Variants in IRAG2 observed in about 807,000 individuals in gnomAD.
IRAG2 encodes lymphoid restricted membrane protein.
Under a neutral mutation model 69.9 loss-of-function variants are expected in IRAG2, and 45 were observed. The ratio of observed to expected loss-of-function variants is 0.64; its 90% CI spans 0.51 to 0.83. The LOEUF is 0.83. Among genes scored for constraint, IRAG2 ranks in the 40% least tolerant of loss-of-function variants. The probability of loss-of-function intolerance (pLI) is 0.00; values close to 1 mark genes in which losing one functional copy is unlikely to be tolerated. For missense variants in IRAG2, 520 were observed against 587.0 expected, an observed-to-expected ratio of 0.89 and a Z score of 1.18; for synonymous variants, 193 against 202.4, an observed-to-expected ratio of 0.95 and a Z score of 0.40.
At chr12:25,011,685 T>C (rs1043144241) in intron 3 of IRAG2, 18 of 581,566 alleles carry the variant, frequency 3.1e-5, no homozygotes, top group African/African-American at 2.1e-4. Flanking sequence ...ATCACCTGAA[T>C]GATGTTAAAC....
At chr12:25,078,061 T>C (rs1283277916) in intron 6 of IRAG2, among the ~76,000 whole-genome samples, 1 of 152,202 alleles carries the variant, frequency 6.6e-6, no homozygotes, top group African/African-American at 2.4e-5. Context: ...TAGTTCGATA[T>C]GTGTTTGAAA....
chr12:25,068,226 C>T (rs1439292410), intron 5 of IRAG2, among the ~76,000 whole-genome samples: 4 of 152,118 alleles, frequency 2.6e-5, no homozygotes, highest in South Asian at 2.1e-4. Flanking sequence ...CCATCTCAGC[C>T]GCCCAACATG....
chr12:25,101,111 T>G, intron 15 of IRAG2, 67 bp from the exon 16 acceptor site: 2 of 1,398,088 alleles, frequency 1.4e-6, no homozygotes, highest in Non-Finnish European at 2.0e-6. Context: ...GTAAATGTGT[T>G]TAATCACCAT....
chr12:25,041,721 G>T (rs1944751165), intron 16 of IRAG2, among the ~76,000 whole-genome samples: 1 of 142,086 alleles, frequency 7.0e-6, no homozygotes, highest in African/African-American at 2.6e-5. Context: ...TGGCCAGGCT[G>T]GTCTCAAACT....
At chr12:25,069,713 TG>T (rs1232821016) in intron 6 of IRAG2, among the ~76,000 whole-genome samples, 2 of 152,152 alleles carry the variant, frequency 1.3e-5, no homozygotes, top group Non-Finnish European at 2.9e-5. Flanking sequence ...CTAAACTTTT[TG>T]TTTGAGAGGC....
chr12:25,039,314 ATCT>A (rs745360700), intron 16 of IRAG2, among the ~76,000 whole-genome samples: 1 of 152,218 alleles, frequency 6.6e-6, no homozygotes, highest in Non-Finnish European at 1.5e-5. Context: ...CAAGAAAATG[ATCT>A]TCTGCTTTCC....
chr12:25,059,791 A>T (rs1353948262), intron 1 of IRAG2, among the ~76,000 whole-genome samples: 37 of 152,346 alleles, frequency 2.4e-4, no homozygotes, highest in Admixed American at 4.6e-4. Flanking sequence ...TTACCAAAAA[A>T]AAGTCCTATA....
chr12:25,060,922 T>A (rs1422926444), intron 1 of IRAG2, among the ~76,000 whole-genome samples: 1 of 151,920 alleles, frequency 6.6e-6, no homozygotes, highest in Non-Finnish European at 1.5e-5. Flanking sequence ...CCCACCTTGG[T>A]CTCTCAAAGA....
At chr12:25,080,351 T>C (rs1947115085) in intron 9 of IRAG2, among the ~76,000 whole-genome samples, 1 of 142,488 alleles carries the variant, frequency 7.0e-6, no homozygotes, top group Non-Finnish European at 1.5e-5. Context: ...TCTTTTTCTT[T>C]TATCTTTTTT....
At chr12:25,024,040 G>A (rs1442401462) in intron 8 of IRAG2, 2 of 470,992 alleles carry the variant, frequency 4.2e-6, no homozygotes, top group South Asian at 2.2e-4. Context: ...CAGAGAGCAG[G>A]TTGACTTGTC....
At chr12:25,053,230 C>T (rs1441281685) in intron 1 of IRAG2, among the ~76,000 whole-genome samples, 1 of 150,956 alleles carries the variant, frequency 6.6e-6, no homozygotes, top group Admixed American at 6.7e-5. Flanking sequence ...ATTAAAACTT[C>T]TCAAAATTTC....
chr12:25,104,508 A>G (rs779600771), intron 20 of IRAG2, 46 bp downstream of exon 20: 4 of 1,023,660 alleles, frequency 3.9e-6, no homozygotes, highest in South Asian at 3.8e-5. Context: ...GAACTGGGGC[A>G]TAAACAATGG....
At chr12:25,076,413 C>G (rs1946692484) in intron 6 of IRAG2, 1 of 979,850 alleles carries the variant, frequency 1.0e-6, no homozygotes, top group African/African-American at 1.8e-5. Flanking sequence ...AGGCCTTACA[C>G]AGAGCATTAG....
upstream of IRAG2, chr12:25,052,362 A>C: frequency 2.5e-6 from 1 of 398,856 alleles, no homozygotes; most frequent in Non-Finnish European, 4.4e-6. Context: ...AGGGTGGCTC[A>C]TGGCTACATT....
In IRAG2 at chr12:25,096,977, T is replaced by C. The variant is rs1948456510; in HGVS notation, c.674T>C (p.Ile225Thr). The change falls in exon 15 of 22, where the codon ATA (isoleucine) becomes ACA (threonine). Residue 225 changes from isoleucine to threonine, a missense_variant. Physicochemically the swap from Ile to Thr is moderately conservative, Grantham distance 89. Coordinates refer to ENST00000556887, the MANE Select transcript of IRAG2 (RefSeq NM_001366544.2). ...QEIIKKLEKS[I>T]KFLSQCAARV... The stretch of plus-strand genomic sequence containing the variant: ...ATCATTAAGAAGCTGGAGAAGAGTA[T>C]AAAGTTTCTTAGCCAGTGTGCAGCA... 2 of 1,613,606 alleles carry C rather than the reference T, an allele frequency of 1.2e-6. No homozygotes were observed. The highest frequency in any genetic ancestry group is 1.3e-5 in the African/African-American group (1 of 74,882).
chr12:25,050,852 A>G (rs1236095007), upstream of IRAG2, among the ~76,000 whole-genome samples: 2 of 152,182 alleles, frequency 1.3e-5, no homozygotes, highest in Admixed American at 6.5e-5. Flanking sequence ...GGAGGACACT[A>G]TCCCAAGTAA....
At chr12:25,039,780 A>C (rs1237004454) in intron 16 of IRAG2, among the ~76,000 whole-genome samples, 1 of 152,128 alleles carries the variant, frequency 6.6e-6, no homozygotes, top group Non-Finnish European at 1.5e-5. Context: ...GTCTGCACTA[A>C]TGTCATCTCG....
chr12:25,012,141 TCC>T (rs67417313), intron 3 of IRAG2, among the ~76,000 whole-genome samples: 1 of 96,812 alleles, frequency 1.0e-5, no homozygotes, highest in African/African-American at 4.1e-5. Context: ...GAAAGCGAAT[TCC>T]CTTTTTTTTT....
intron 11 of IRAG2, among the ~76,000 whole-genome samples, chr12:25,088,432 TGTTA>T (rs1947795055): frequency 6.6e-6 from 1 of 152,276 alleles, no homozygotes; most frequent in Non-Finnish European, 1.5e-5. Flanking sequence ...TATGCTCTAC[TGTTA>T]GTTCTTTTTT....
Sources: allele counts gnomAD v4.1 joint callset (sites outside exome capture counted in the v4.1 genomes callset), GRCh38; gene constraint gnomAD v4.1.1; transcripts MANE v1.5; gene names NCBI Gene and HGNC (gene_info 2026-07-23, HGNC 2026-07-21).